HNRNPL: variants seen among roughly 807,000 people sequenced by gnomAD.
HNRNPL encodes heterogeneous nuclear ribonucleoprotein L.
HNRNPL carries 12 observed loss-of-function variants against 64.0 expected under a neutral mutation model. The observed-to-expected ratio is 0.19, with a 90% CI of 0.12 to 0.30. The LOEUF (loss-of-function observed/expected upper bound fraction) is 0.30. Ranked by LOEUF, HNRNPL falls within the 10% of genes least tolerant of loss-of-function variation. HNRNPL has a pLI of 1.00. For missense variants in HNRNPL, 484 were observed against 797.4 expected, an observed-to-expected ratio of 0.61 and a Z score of 4.73; for synonymous variants, 385 against 313.0, an observed-to-expected ratio of 1.23 and a Z score of -2.43.
chr19:38,850,335 C>T (rs1392206501), upstream of HNRNPL: 1 of 221,724 alleles, frequency 4.5e-6, no homozygotes, highest in African/African-American at 2.3e-5. Context: ...TTGGTCTCCT[C>T]GCTAATCCGT....
chr19:38,846,775 G>A (rs527300584), intron 2 of HNRNPL, among the ~76,000 whole-genome samples: 1 of 152,278 alleles, frequency 6.6e-6, no homozygotes, highest in Non-Finnish European at 1.5e-5. Context: ...GGGTGGGGTG[G>A]CCAGCGCCTG....
rs762741967 is a variant in HNRNPL, at chr19:38,838,604, G to A, written c.1356-6C>T. 7.4e-6 allele frequency: 12 copies of A among 1,612,820 alleles called. No individual in the cohort carries two copies. In the South Asian group the frequency reaches 1.3e-4, roughly 18 times the overall value. ...TGGCTGGCTGCTTGGAGACACTGCA[G>A]CAAGGAAGAAAGGGGAGCCTTTGTC... On this transcript the variant is annotated splice_region_variant and splice_polypyrimidine_tract_variant and intron_variant, in intron 9 of 12. Coordinates refer to ENST00000221419, the MANE Select transcript of HNRNPL (RefSeq NM_001533.3).
At position 38,836,789 on chromosome 19, in the gene HNRNPL, G is replaced by A; in HGVS notation, c.1712-9C>T. ...GTAAGGGTATGGACCATCTGCAAAG[G>A]AGAGACAAGTTTGGTTGGTTCCCGT... is the stretch of plus-strand genomic sequence containing the variant. On this transcript the variant is annotated splice_polypyrimidine_tract_variant and intron_variant, in intron 12 of 12. Coordinates refer to ENST00000221419, the MANE Select transcript of HNRNPL (RefSeq NM_001533.3). 6.2e-7 allele frequency: 1 copy of A among 1,609,642 alleles called. No individual in the cohort carries two copies. The highest frequency in any genetic ancestry group is 8.5e-7 in the Non-Finnish European group (1 of 1,178,002).
Position 38,846,385 on chromosome 19 carries a change from G to A in HNRNPL, c.387-295C>T, listed in dbSNP as rs1303824188. ...ATGACAGTGCAAATCACTCTAGGAG[G>A]GCAACTTTCTAAGAGAAGCATCCAG... On this transcript the variant is annotated intron_variant, in intron 2 of 12. Coordinates refer to ENST00000221419, the MANE Select transcript of HNRNPL (RefSeq NM_001533.3). Among the ~76,000 whole-genome samples, 5 of 152,238 alleles carry A rather than the reference G, an allele frequency of 3.3e-5. No homozygotes were observed. In the South Asian group the frequency reaches 6.2e-4, roughly 19 times the overall value.
chr19:38,838,798 C>A (rs1318249484), intron 9 of HNRNPL, 96 bp downstream of exon 9: 5 of 1,529,544 alleles, frequency 3.3e-6, no homozygotes, highest in South Asian at 1.1e-5. Flanking sequence ...CTGTGTGAGT[C>A]AACACCTCGG....
intron 12 of HNRNPL, chr19:38,837,075 TTTCC>T: frequency 1.8e-6 from 1 of 546,534 alleles, no homozygotes; most frequent in Non-Finnish European, 3.3e-6. Context: ...GTGTTGCCTC[TTTCC>T]TAGGTAACAG....
chr19:38,842,826 G>C (rs1972160795), intron 6 of HNRNPL, among the ~76,000 whole-genome samples: 1 of 152,144 alleles, frequency 6.6e-6, no homozygotes, highest in Non-Finnish European at 1.5e-5. Flanking sequence ...ACTAGCCCCT[G>C]CCGGTCTGCA....
At chr19:38,841,243 C>G (rs1028068438) in intron 6 of HNRNPL, 4 of 289,546 alleles carry the variant, frequency 1.4e-5, no homozygotes, top group Non-Finnish European at 2.7e-5. Context: ...TAACTTAGCG[C>G]TTAAGTGGCA....
upstream of HNRNPL, among the ~76,000 whole-genome samples, chr19:38,851,361 G>A (rs556637956): frequency 9.7e-4 from 148 of 152,360 alleles, no homozygotes; most frequent in African/African-American, 3.2e-3. Context: ...CAGGCAGCGG[G>A]GTCAAACGGG....
intron 1 of HNRNPL, among the ~76,000 whole-genome samples, chr19:38,848,125 C>CT (rs1320266848): frequency 6.6e-6 from 1 of 152,210 alleles, no homozygotes; most frequent in Non-Finnish European, 1.5e-5. Context: ...GAGTCTCACT[C>CT]TGTCACCCAG....
In HNRNPL at chr19:38,840,481, C is replaced by A. The variant is rs754718124; in HGVS notation, c.952+7G>T. ...GGAGTCCACGGAGGGGAACCCCCTG[C>A]CCTCACCATATTCTGCGGGGTGATC... is the stretch of plus-strand genomic sequence containing the variant. On this transcript the variant is annotated splice_region_variant and intron_variant, in intron 7 of 12. Coordinates refer to ENST00000221419, the MANE Select transcript of HNRNPL (RefSeq NM_001533.3). 1 of 1,588,758 alleles carries A rather than the reference C, an allele frequency of 6.3e-7. No individual in the cohort carries two copies. The highest frequency in any genetic ancestry group is 8.6e-7 in the Non-Finnish European group (1 of 1,168,870).
upstream of HNRNPL, among the ~76,000 whole-genome samples, chr19:38,850,819 G>A (rs1208443635): frequency 1.3e-5 from 2 of 152,186 alleles, no homozygotes; most frequent in African/African-American, 4.8e-5. Flanking sequence ...CGCTGCTGCC[G>A]ACTGTCTTCG....
Position 38,838,575 on chromosome 19 carries a change from A to C in HNRNPL, c.1379T>G (p.Met460Arg). 1 of 1,614,160 alleles carries C rather than the reference A, an allele frequency of 6.2e-7. No individual in the cohort carries two copies. ...NVCVSKQPAI[M>R]PGQSYGLEDG... Reference sequence around the variant, plus strand: ...TTCCAACCCGTATGACTGACCAGGCATGATGGCTGGCTGCTTGGAGACACT... The same window carrying C: ...TTCCAACCCGTATGACTGACCAGGCCTGATGGCTGGCTGCTTGGAGACACT... The change falls in exon 10 of 13, where the codon ATG becomes AGG. Residue 460 changes from methionine (M) to arginine (R), a missense_variant. Transcript: ENST00000221419.
chr19:38,841,502 C>T (rs1279107544), intron 6 of HNRNPL: 8 of 496,120 alleles, frequency 1.6e-5, no homozygotes, highest in South Asian at 3.1e-5. Flanking sequence ...TCCTGCCACC[C>T]GGCCTGGGTT....
chr19:38,836,646 A>AT lies in HNRNPL; in HGVS notation c.*75dup. 1 of 966,038 alleles carries AT rather than the reference A, an allele frequency of 1.0e-6. No individual in the cohort carries two copies. The highest frequency in any genetic ancestry group is 1.6e-6 in the Non-Finnish European group (1 of 632,694). 59.8% of individuals were successfully genotyped at this position (966,038 alleles called of 1,614,324 possible). ...AAAAGGAATACAAGATCTTTTGCAA[A>AT]TAACAAAAACAAAAAATGGCATAAA... On this transcript the variant is annotated 3_prime_UTR_variant, in exon 13 of 13. Coordinates refer to ENST00000221419, the MANE Select transcript of HNRNPL (RefSeq NM_001533.3).
At chr19:38,839,298 C>T (rs1192661863) in intron 8 of HNRNPL, 7 of 410,962 alleles carry the variant, frequency 1.7e-5, no homozygotes, top group Non-Finnish European at 3.2e-5. Flanking sequence ...CAGCCATTTT[C>T]ACCATTTTGT....
At chr19:38,850,662 C>CT (rs1972480456), upstream of HNRNPL, among the ~76,000 whole-genome samples, 1 of 152,238 alleles carries the variant, frequency 6.6e-6, no homozygotes, top group African/African-American at 2.4e-5. Flanking sequence ...ATGGAGCGAC[C>CT]GCTGTGTGTG....
intron 2 of HNRNPL, among the ~76,000 whole-genome samples, chr19:38,846,321 G>C (rs1257038431): frequency 3.3e-5 from 5 of 152,288 alleles, no homozygotes; most frequent in Admixed American, 1.3e-4. Flanking sequence ...TCACCAGACT[G>C]TCAGATGCCA....
chr19:38,837,723 GC>G lies in HNRNPL; in HGVS notation c.1558-73del, dbSNP rs1359794225. ...GCCACACAGGATTCAAGCAGACCAG[GC>G]CCTGCATGACTCAGTACTTGAAGTT... On this transcript the variant is annotated intron_variant, in intron 10 of 12. Coordinates refer to ENST00000221419, the MANE Select transcript of HNRNPL (RefSeq NM_001533.3). The G allele has an allele frequency of 1.3e-5, 18 of 1,335,020 alleles. No homozygotes were observed. The East Asian group carries it at 4.0e-4, about 30-fold the overall frequency. 82.7% of individuals were successfully genotyped at this position (1,335,020 alleles called of 1,614,324 possible). A position where few individuals can be genotyped will look rare whatever the true frequency, so the allele number is the denominator to read the frequency against.
Sources: allele counts gnomAD v4.1 joint callset (sites outside exome capture counted in the v4.1 genomes callset), GRCh38; gene constraint gnomAD v4.1.1; transcripts MANE v1.5; gene names NCBI Gene and HGNC (gene_info 2026-07-23, HGNC 2026-07-21).